Variants in OSBPL10 observed in about 807,000 individuals in gnomAD.
OSBPL10 encodes oxysterol binding protein like 10.
A neutral mutation model predicts 81.7 loss-of-function variants in OSBPL10; 49 were observed. The ratio of observed to expected loss-of-function variants is 0.60; its 90% confidence interval spans 0.48 to 0.76. The LOEUF (loss-of-function observed/expected upper bound fraction) is 0.76. OSBPL10 is among the 30% of genes least tolerant of loss of function. OSBPL10 has a pLI of 0.00. For missense variants in OSBPL10, 923 were observed against 987.8 expected (o/e 0.93, Z 0.88); for synonymous variants, 419 against 383.6 (o/e 1.09, Z -1.08).
Position 31,759,323 on chromosome 3 carries a change from C to A in OSBPL10, c.730-11203G>T, listed in dbSNP as rs192125171. ...CCTGAACGGGATCCTGAATGCAGAT[C>A]GAGTAGCACTTACCTCTCTGGACAC... On this transcript the variant is annotated intron_variant, in intron 4 of 11. Coordinates refer to ENST00000396556, the MANE Select transcript of OSBPL10 (RefSeq NM_017784.5). 8.6e-4 allele frequency among the ~76,000 whole-genome samples: 131 copies of A among 152,228 alleles called. 1 individual carries two copies. The highest frequency in any genetic ancestry group is 3.4e-3 in the Middle Eastern group (1 of 294).
intron 4 of OSBPL10, among the ~76,000 whole-genome samples, chr3:31,823,812 T>C (rs1700036673): frequency 6.6e-6 from 1 of 151,208 alleles, no homozygotes; most frequent in South Asian, 2.1e-4. Context: ...TCATTTTGAC[T>C]AGGCCCTTTT....
At chr3:32,023,424 T>C (rs1468036182) in intron 2 of OSBPL10, among the ~76,000 whole-genome samples, 3 of 152,210 alleles carry the variant, frequency 2.0e-5, no homozygotes, top group Non-Finnish European at 4.4e-5. Context: ...TGTGAAACTG[T>C]GAGTCCATTA....
chr3:32,072,114 T>C (rs1699834462), intron 1 of OSBPL10, among the ~76,000 whole-genome samples: 1 of 152,224 alleles, frequency 6.6e-6, no homozygotes, highest in Admixed American at 6.5e-5. Context: ...CGTCAATATT[T>C]ATACTGACTC....
rs1698835174 is a variant in OSBPL10 at position 31,981,234 on chromosome 3, C to T, written c.-55G>A. 1.5e-6 allele frequency: 2 copies of T among 1,338,598 alleles called. No homozygotes were observed. The highest frequency in any genetic ancestry group is 1.9e-6 in the Non-Finnish European group (2 of 1,053,380). 82.9% of individuals were successfully genotyped at this position (1,338,598 alleles called of 1,614,324 possible). Reference sequence around the variant, plus strand: ...CGCCGCGGTGGCGGCCCCGGCACGGCGGCTGCTGCTGCTGCTACAGCTCCG... The same window carrying T: ...CGCCGCGGTGGCGGCCCCGGCACGGTGGCTGCTGCTGCTGCTACAGCTCCG... On this transcript the variant is annotated 5_prime_UTR_variant, in exon 1 of 12. Transcript: ENST00000396556. This position sits in a 1 kb window ranked among gnomAD's most constrained non-coding sequence, Gnocchi z 4.5.
chr3:31,690,530 A>G (rs922476625), intron 7 of OSBPL10, among the ~76,000 whole-genome samples: 2 of 152,222 alleles, frequency 1.3e-5, no homozygotes, highest in Admixed American at 6.5e-5. Context: ...AGGAAAAAGA[A>G]AAAAGGTTCT....
At chr3:31,939,340 T>C (rs1697474038) in intron 1 of OSBPL10, among the ~76,000 whole-genome samples, 1 of 151,562 alleles carries the variant, frequency 6.6e-6, no homozygotes, top group Admixed American at 6.6e-5. Context: ...AGACAGGGTT[T>C]CACTATATTG....
At chr3:31,832,751 G>A (rs760822913) in intron 3 of OSBPL10, among the ~76,000 whole-genome samples, 1 of 152,214 alleles carries the variant, frequency 6.6e-6, no homozygotes, top group Non-Finnish European at 1.5e-5. Context: ...TTCCAAGGGT[G>A]ATGGGCCTGA....
chr3:31,993,776 G>A (rs2125525101), intron 2 of OSBPL10, among the ~76,000 whole-genome samples: 1 of 152,212 alleles, frequency 6.6e-6, no homozygotes, highest in Non-Finnish European at 1.5e-5. Flanking sequence ...TGGTGAGAGT[G>A]CAAAATAATA....
At chr3:31,919,603 C>A (rs1438280858) in intron 1 of OSBPL10, 1 of 152,206 alleles carries the variant, frequency 6.6e-6, no homozygotes, top group African/African-American at 2.4e-5. Context: ...GCTATCTCAT[C>A]AATTCAAATT....
chr3:31,743,393 A>C (rs1335709226), intron 5 of OSBPL10, among the ~76,000 whole-genome samples: 2 of 152,222 alleles, frequency 1.3e-5, no homozygotes, highest in Non-Finnish European at 2.9e-5. Context: ...AGTTAAGTAA[A>C]GTACTTCAGA....
At chr3:31,889,420 C>T (rs1229620276) in intron 1 of OSBPL10, among the ~76,000 whole-genome samples, 3 of 151,892 alleles carry the variant, frequency 2.0e-5, no homozygotes, top group Non-Finnish European at 4.4e-5. Context: ...AACAGATGAA[C>T]GGATAAAGAA....
At chr3:31,847,337 C>G (rs1031444341) in intron 3 of OSBPL10, among the ~76,000 whole-genome samples, 16 of 152,074 alleles carry the variant, frequency 1.1e-4, no homozygotes. Context: ...GCTGGGAGTA[C>G]AGGCGTGCCC....
chr3:31,876,456 A>T lies in OSBPL10; in HGVS notation c.514T>A (p.Tyr172Asn), dbSNP rs1447839789. Residue 172 changes from tyrosine to asparagine, a missense_variant, in exon 3 of 12, where the codon TAC becomes AAC. Transcript: ENST00000396556. ...WVTQLRACAK[Y>N]HMEMNSKSAP... Reference sequence around the variant, plus strand: ...ACCTTAGAATTCATTTCCATGTGGTATTTGGCACAAGCTCGAAGCTGAGTC... The same window carrying T: ...ACCTTAGAATTCATTTCCATGTGGTTTTTGGCACAAGCTCGAAGCTGAGTC... 1 of 1,613,422 alleles carries T rather than the reference A, an allele frequency of 6.2e-7. No individual in the cohort carries two copies. Among genetic ancestry groups the T allele is most frequent in the African/African-American group, 1.3e-5 (1 of 75,040 alleles).
At chr3:31,729,093 C>A (rs1367659391) in intron 6 of OSBPL10, among the ~76,000 whole-genome samples, 1 of 152,128 alleles carries the variant, frequency 6.6e-6, no homozygotes, top group African/African-American at 2.4e-5. Context: ...AAACTGAGAA[C>A]CTTGCATTTT....
At chr3:31,856,706 A>G (rs1265681729) in intron 3 of OSBPL10, among the ~76,000 whole-genome samples, 1 of 152,224 alleles carries the variant, frequency 6.6e-6, no homozygotes, top group Non-Finnish European at 1.5e-5. Flanking sequence ...CAGCTTTAAA[A>G]TATTTTATCA....
At chr3:32,006,405 A>C (rs1243264390) in intron 2 of OSBPL10, among the ~76,000 whole-genome samples, 1 of 152,164 alleles carries the variant, frequency 6.6e-6, no homozygotes, top group African/African-American at 2.4e-5. Context: ...GCCAGTTGTC[A>C]TCTTTGTCTA....
intron 1 of OSBPL10, among the ~76,000 whole-genome samples, chr3:31,939,765 T>C (rs1022587869): frequency 6.6e-6 from 1 of 152,200 alleles, no homozygotes; most frequent in African/African-American, 2.4e-5. Flanking sequence ...ATCTTTTCCC[T>C]CTGTCTGCCT....
At chr3:31,881,773 G>C (rs1047882509) in intron 1 of OSBPL10, among the ~76,000 whole-genome samples, 4 of 152,182 alleles carry the variant, frequency 2.6e-5, no homozygotes, top group Non-Finnish European at 5.9e-5. Context: ...AAATGAATCT[G>C]TTAGATACTT....
At chr3:31,705,214 C>G (rs1696019904) in intron 6 of OSBPL10, among the ~76,000 whole-genome samples, 1 of 152,132 alleles carries the variant, frequency 6.6e-6, no homozygotes, top group African/African-American at 2.4e-5. Flanking sequence ...GAGAACTTGC[C>G]CTTTCTCTCC....
Sources: allele counts gnomAD v4.1 joint callset (sites outside exome capture counted in the v4.1 genomes callset), GRCh38; gene constraint gnomAD v4.1.1; non-coding constraint Gnocchi (gnomAD v3.1); transcripts MANE v1.5; gene names NCBI Gene and HGNC (gene_info 2026-07-23, HGNC 2026-07-21).